Variants in ADORA2B observed in about 807,000 individuals in gnomAD.
ADORA2B encodes the protein adenosine A2b receptor.
Under a neutral mutation model 20.8 loss-of-function variants are expected in ADORA2B, and 18 were observed. The ratio of observed to expected loss-of-function variants is 0.87; its 90% CI spans 0.60 to 1.29. The LOEUF (loss-of-function observed/expected upper bound fraction) is 1.29. Among genes scored for constraint, ADORA2B ranks in the 50% most tolerant of loss-of-function variants. The pLI, the probability that ADORA2B is intolerant of heterozygous loss-of-function variation, is 0.00. For synonymous variants in ADORA2B, 179 were observed against 178.3 expected (o/e 1.00, Z -0.03); for missense variants, 441 against 422.7 (o/e 1.04, Z -0.38).
chr17:15,943,190 GA>G (rs200592769), upstream of ADORA2B, among the ~76,000 whole-genome samples: 1 of 151,944 alleles, frequency 6.6e-6, no homozygotes, highest in South Asian at 2.1e-4. Flanking sequence ...AAGGGAAATA[GA>G]AAAAAAAATT....
chr17:15,893,368 C>T, the ADORA2B span, among the ~76,000 whole-genome samples: 1 of 152,204 alleles, frequency 6.6e-6, no homozygotes, highest in Admixed American at 6.5e-5. Flanking sequence ...TGTTAAGTTT[C>T]TTTCTGTTTT....
intron 1 of ADORA2B, among the ~76,000 whole-genome samples, chr17:15,946,055 C>T (rs1238295702): frequency 2.0e-5 from 3 of 152,178 alleles, no homozygotes; most frequent in Non-Finnish European, 4.4e-5. Flanking sequence ...GGGAGGTTCC[C>T]ACTAAGGGCA....
the ADORA2B span, among the ~76,000 whole-genome samples, chr17:15,866,942 G>A: frequency 9.9e-5 from 15 of 152,254 alleles, no homozygotes; most frequent in African/African-American, 2.2e-4. Context: ...GCGCCGCCAC[G>A]CCTGACTGGT....
chr17:15,974,981 T>G lies in ADORA2B; in HGVS notation c.638T>G (p.Leu213Arg). ...IKIFLVACRQ[L>R]QRTELMDHSR... The stretch of plus-strand genomic sequence containing the variant: ...ATCTTCCTGGTGGCCTGCAGGCAGC[T>G]TCAGCGCACTGAGCTGATGGACCAC... The change falls in exon 2 of 2, where the codon CTT becomes CGT. Residue 213 changes from leucine to arginine, a missense_variant. Leu to Arg is a moderately radical substitution (Grantham distance 102). Transcript: ENST00000304222. 1 of 1,614,188 alleles carries G rather than the reference T, an allele frequency of 6.2e-7. No individual in the cohort carries two copies. The highest frequency in any genetic ancestry group is 1.1e-5 in the South Asian group (1 of 91,080).
At chr17:15,884,854 T>C in the ADORA2B span, among the ~76,000 whole-genome samples, 1 of 152,204 alleles carries the variant, frequency 6.6e-6, no homozygotes, top group Non-Finnish European at 1.5e-5. Context: ...GTGTCTTTGC[T>C]CTTATGACTA....
At chr17:15,930,046 A>G in the ADORA2B span, among the ~76,000 whole-genome samples, 9 of 152,236 alleles carry the variant, frequency 5.9e-5, no homozygotes, top group African/African-American at 2.2e-4. Context: ...AAGCTATCCT[A>G]TTGCCTCGAG....
the ADORA2B span, among the ~76,000 whole-genome samples, chr17:15,939,859 C>CAAAAAAAA: frequency 3.7e-5 from 2 of 53,358 alleles, no homozygotes; most frequent in Non-Finnish European, 7.6e-5. Context: ...GACTCTGTCT[C>CAAAAAAAA]AAAAAAAAAA....
chr17:15,926,800 CT>C, the ADORA2B span, among the ~76,000 whole-genome samples: 3 of 151,948 alleles, frequency 2.0e-5, no homozygotes, highest in Non-Finnish European at 4.4e-5. Flanking sequence ...GAAACTCCAT[CT>C]TTACAAAAAA....
the ADORA2B span, among the ~76,000 whole-genome samples, chr17:15,871,440 A>G: frequency 6.6e-6 from 1 of 152,192 alleles, no homozygotes; most frequent in African/African-American, 2.4e-5. Context: ...TAGTTAACCC[A>G]GGAGGCCTGG....
chr17:15,908,781 A>T, the ADORA2B span: 1 of 152,800 alleles, frequency 6.5e-6, no homozygotes, highest in Non-Finnish European at 1.5e-5. Flanking sequence ...ACACCCAAAT[A>T]AGAAACAGAG....
the ADORA2B span, among the ~76,000 whole-genome samples, chr17:15,874,042 GTA>G: frequency 0.22 from 29,990 of 134,610 alleles, 3,544 homozygotes; most frequent in Non-Finnish European, 0.28. Flanking sequence ...ATATATATGT[GTA>G]TATATATATA....
chr17:15,867,070 G>A, the ADORA2B span, among the ~76,000 whole-genome samples: 1 of 152,244 alleles, frequency 6.6e-6, no homozygotes, highest in African/African-American at 2.4e-5. Flanking sequence ...GGCAGACGGA[G>A]TCGCGTTCAC....
chr17:15,863,893 A>G, the ADORA2B span, among the ~76,000 whole-genome samples: 1 of 152,242 alleles, frequency 6.6e-6, no homozygotes, highest in Admixed American at 6.5e-5. Context: ...TCACACTGTG[A>G]GACATCAAAT....
chr17:15,953,074 G>A (rs988283955), intron 1 of ADORA2B, among the ~76,000 whole-genome samples: 5 of 152,220 alleles, frequency 3.3e-5, no homozygotes, highest in Non-Finnish European at 7.3e-5. Context: ...GGAGGGTTGA[G>A]TGGTGTGGTA....
At chr17:15,867,474 GC>G in the ADORA2B span, among the ~76,000 whole-genome samples, 4 of 142,784 alleles carry the variant, frequency 2.8e-5, no homozygotes, top group Non-Finnish European at 6.0e-5. Context: ...CCTGGCAACC[GC>G]CCCGTCTGAG....
the ADORA2B span, among the ~76,000 whole-genome samples, chr17:15,889,755 G>A: frequency 2.3e-4 from 29 of 128,478 alleles, 5 homozygotes; most frequent in South Asian, 6.5e-3. Flanking sequence ...AAAATTAGCC[G>A]GGTGTGGTAG....
At chr17:15,915,709 G>A in the ADORA2B span, among the ~76,000 whole-genome samples, 1 of 152,176 alleles carries the variant, frequency 6.6e-6, no homozygotes, top group Non-Finnish European at 1.5e-5. Flanking sequence ...TGGAGACCCA[G>A]GAAGGCCAGT....
chr17:15,961,788 C>T lies in ADORA2B; in HGVS notation c.336-12891C>T, dbSNP rs143155144. On this transcript the variant is annotated intron_variant, in intron 1 of 1. Transcript: ENST00000304222. ...AGCAAGCAAGAGAGGGCTGCACTTG[C>T]ATTTATAACAGACCCACTCTCAAGA... 2.3e-4 allele frequency among the ~76,000 whole-genome samples: 35 copies of T among 152,266 alleles called. No homozygotes were observed. In the East Asian group the frequency reaches 6.4e-3, roughly 28 times the overall value.
the ADORA2B span, among the ~76,000 whole-genome samples, chr17:15,892,058 C>T: frequency 6.6e-6 from 1 of 150,774 alleles, no homozygotes; most frequent in Admixed American, 6.6e-5. Flanking sequence ...ACGAGGTTTC[C>T]CCATGTTGGC....
Sources: gnomAD v4.1 joint callset for allele counts (sites outside exome capture counted in the v4.1 genomes callset) on GRCh38, gnomAD v4.1.1 for gene constraint, MANE v1.5 for transcripts, NCBI Gene and HGNC (gene_info 2026-07-23, HGNC 2026-07-21) for gene names.